Variants in EEIG2 observed in about 807,000 individuals in gnomAD.
The protein encoded by EEIG2 is EEIG family member 2.
chr1:108,611,585 A>C, the EEIG2 span, among the ~76,000 whole-genome samples: 1 of 152,248 alleles, frequency 6.6e-6, no homozygotes, highest in South Asian at 2.1e-4. Context: ...AAGGATGATC[A>C]GCAAGGCAAA....
the EEIG2 span, chr1:108,628,852 TA>T: frequency 1.3e-6 from 2 of 1,572,566 alleles, no homozygotes; most frequent in Non-Finnish European, 1.7e-6. Context: ...CAGGTTTTTG[TA>T]ATCTGTGTAG....
chr1:108,617,623 G>A, the EEIG2 span, among the ~76,000 whole-genome samples: 8 of 152,200 alleles, frequency 5.3e-5, no homozygotes, highest in Non-Finnish European at 1.2e-4. Flanking sequence ...TTAAAGCCAT[G>A]AGACTTGAAT....
the EEIG2 span, among the ~76,000 whole-genome samples, chr1:108,579,772 T>TGTGTGTGTGAGAGAGAGAGAGAGAGAGA: frequency 6.8e-5 from 4 of 58,822 alleles, no homozygotes; most frequent in African/African-American, 1.3e-4. Flanking sequence ...TGTGTGTGTG[T>TGTGTGTGTGAGAGAGAGAGAGAGAGAGA]GAGAGAGAGA....
the EEIG2 span, among the ~76,000 whole-genome samples, chr1:108,563,001 G>A: frequency 6.6e-6 from 1 of 152,172 alleles, no homozygotes; most frequent in Non-Finnish European, 1.5e-5. Context: ...CCCCTTAAAA[G>A]TCAGGTGTAG....
chr1:108,639,139 G>A, the EEIG2 span: 1 of 151,272 alleles, frequency 6.6e-6, no homozygotes, highest in Non-Finnish European at 1.5e-5. Context: ...GATTCCATCC[G>A]TATTCTGTTC....
the EEIG2 span, among the ~76,000 whole-genome samples, chr1:108,587,714 G>T: frequency 6.6e-6 from 1 of 152,072 alleles, no homozygotes; most frequent in East Asian, 1.9e-4. Context: ...GGAAAATTTT[G>T]TGTAGCTTTC....
the EEIG2 span, among the ~76,000 whole-genome samples, chr1:108,566,005 A>G: frequency 6.6e-6 from 1 of 152,132 alleles, no homozygotes; most frequent in Non-Finnish European, 1.5e-5. Flanking sequence ...CTGTACACAT[A>G]CATGTATGAC....
At chr1:108,622,150 C>T in the EEIG2 span, among the ~76,000 whole-genome samples, 1 of 151,810 alleles carries the variant, frequency 6.6e-6, no homozygotes, top group South Asian at 2.1e-4. Context: ...AGCGAAACTC[C>T]GTCTCAAAAA....
chr1:108,601,110 A>G, the EEIG2 span, among the ~76,000 whole-genome samples: 1 of 152,146 alleles, frequency 6.6e-6, no homozygotes, highest in East Asian at 1.9e-4. Context: ...AAATTTACAT[A>G]GTTAATAAAT....
chr1:108,565,995 C>G, the EEIG2 span, among the ~76,000 whole-genome samples: 1 of 152,090 alleles, frequency 6.6e-6, no homozygotes, highest in Non-Finnish European at 1.5e-5. Context: ...CTTTATTGAT[C>G]TGTACACATA....
the EEIG2 span, among the ~76,000 whole-genome samples, chr1:108,630,035 G>A: frequency 6.6e-6 from 1 of 152,178 alleles, no homozygotes; most frequent in Non-Finnish European, 1.5e-5. Flanking sequence ...CTGGAGTGCA[G>A]TGGTGCAGTC....
At chr1:108,631,000 C>A in the EEIG2 span, 1 of 197,276 alleles carries the variant, frequency 5.1e-6, no homozygotes, top group Non-Finnish European at 1.1e-5. Context: ...ACAGCAAAAA[C>A]CTACATCAAC....
chr1:108,633,669 A>C, the EEIG2 span, among the ~76,000 whole-genome samples: 11 of 152,048 alleles, frequency 7.2e-5, no homozygotes, highest in Non-Finnish European at 1.5e-4. Context: ...TTTTCTGTTT[A>C]TTACTGGTTT....
At chr1:108,631,264 C>A in the EEIG2 span, 2 of 216,494 alleles carry the variant, frequency 9.2e-6, no homozygotes, top group African/African-American at 4.7e-5. Context: ...GCCCATAGGC[C>A]AAATTGGCCC....
the EEIG2 span, chr1:108,625,621 C>G: frequency 6.6e-6 from 1 of 152,098 alleles, no homozygotes; most frequent in Non-Finnish European, 1.5e-5. Flanking sequence ...ATTTCTTTCT[C>G]CTACTGAAAA....
chr1:108,578,511 G>C, the EEIG2 span, among the ~76,000 whole-genome samples: 33 of 131,628 alleles, frequency 2.5e-4, no homozygotes, highest in African/African-American at 7.3e-4. Flanking sequence ...TAGCATGAAG[G>C]GTTGTTGAAT....
the EEIG2 span, chr1:108,628,820 T>C: frequency 1.2e-6 from 2 of 1,602,584 alleles, no homozygotes; most frequent in Admixed American, 3.4e-5. Context: ...TAGGTAACTG[T>C]TAAGCATAGA....
the EEIG2 span, among the ~76,000 whole-genome samples, chr1:108,588,770 A>G: frequency 3.9e-4 from 54 of 137,214 alleles, no homozygotes; most frequent in East Asian, 7.9e-3. Context: ...AGTTTCTTAT[A>G]TATTTGGGAT....
At chr1:108,629,123 G>C in the EEIG2 span, among the ~76,000 whole-genome samples, 2 of 152,126 alleles carry the variant, frequency 1.3e-5, no homozygotes, top group Non-Finnish European at 1.5e-5. Flanking sequence ...TGTTATAAGT[G>C]CTTTAAGCCA....
Sources: gnomAD v4.1 joint callset for allele counts (sites outside exome capture counted in the v4.1 genomes callset) on GRCh38, gnomAD v4.1.1 for gene constraint, MANE v1.5 for transcripts, NCBI Gene and HGNC (gene_info 2026-07-23, HGNC 2026-07-21) for gene names.